HUWE1: variants seen among roughly 807,000 people sequenced by gnomAD.
HUWE1 encodes HECT, UBA and WWE domain containing E3 ubiquitin protein ligase 1.
A neutral mutation model predicts 299.4 loss-of-function variants in HUWE1; 18 were observed. The ratio of observed to expected loss-of-function variants is 0.06; its 90% CI spans 0.04 to 0.09. HUWE1 has a LOEUF of 0.09. Among genes scored for constraint, HUWE1 ranks in the 10% least tolerant of loss-of-function variants. HUWE1 has a pLI of 1.00. For synonymous variants in HUWE1, 1,317 were observed against 1,286.1 expected (o/e 1.02, Z -0.51); for missense variants, 1,832 against 3,462.3 (o/e 0.53, Z 11.82).
In HUWE1 at chrX:53,575,685, A is replaced by G; in HGVS notation, c.5988T>C (p.Arg1996=). 8.3e-7 allele frequency: 1 copy of G among 1,211,235 alleles called. No individual in the cohort carries two copies. Among genetic ancestry groups the G allele is most frequent in the Non-Finnish European group, 1.1e-6 (1 of 894,741 alleles). Residue 1996 remains arginine, a synonymous_variant, in exon 45 of 84, where the codon CGT becomes CGC. Transcript: ENST00000262854. ...ACTGCGTATCAAAGTCACTGCTCTG[A>G]CGCGTAAGTGACCGGTACTGCTGGT... ...DVYQQYRSLT[R]QSSDFDTQSG...
At chrX:53,556,375 A>T (rs1410427285) in intron 60 of HUWE1, 1 of 340,045 alleles carries the variant, frequency 2.9e-6, no homozygotes, top group Non-Finnish European at 5.9e-6. Context: ...GCCATTTTAC[A>T]TGGTGACAGA....
At chrX:53,543,163 T>C (rs181708628) in intron 73 of HUWE1, among the ~76,000 whole-genome samples, 1 of 110,869 alleles carries the variant, frequency 9.0e-6, no homozygotes, top group East Asian at 2.8e-4. Flanking sequence ...ATAGTAATTA[T>C]ACGCAAAGAA....
chrX:53,593,840 T>A (rs1348713371), intron 31 of HUWE1, among the ~76,000 whole-genome samples: 1 of 112,367 alleles, frequency 8.9e-6, no homozygotes, highest in Non-Finnish European at 1.9e-5. Flanking sequence ...GGCTCACGCC[T>A]GTAATCCCAG....
In HUWE1 at chrX:53,628,530, G is replaced by C; in HGVS notation, c.1205C>G (p.Ala402Gly). 1 of 1,164,925 alleles carries C rather than the reference G, an allele frequency of 8.6e-7. No homozygotes were observed. The highest frequency in any genetic ancestry group is 3.3e-5 in the East Asian group (1 of 30,751). ...TTCCATCATTCCACAGGAGACCAAG[G>C]CTTCACCACCAGCATCGTAGCTGGC... ...HLASYDAGGE[A>G]LVSCGMMEAL... Residue 402 changes from alanine (A) to glycine (G), a missense_variant, in exon 15 of 84, where the codon GCC (alanine) becomes GGC (glycine). By Grantham distance (60) the Ala-to-Gly change is moderately conservative. Coordinates refer to ENST00000262854, the MANE Select transcript of HUWE1 (RefSeq NM_031407.7).
intron 23 of HUWE1, among the ~76,000 whole-genome samples, chrX:53,611,008 G>A (rs782048075): frequency 5.6e-4 from 61 of 109,752 alleles, no homozygotes; most frequent in Non-Finnish European, 1.0e-3. Flanking sequence ...CAGAAGAAAG[G>A]GGGCAAAAGA....
chrX:53,566,392 G>A lies in HUWE1; in HGVS notation c.6708-1153C>T, dbSNP rs996278858. ...AGGCTGAGATGGGAGGATTGCTTGA[G>A]CCTAGCCTGAGCAACATAGTGAGAT... is the stretch of plus-strand genomic sequence containing the variant. On this transcript the variant is annotated intron_variant, in intron 49 of 83. Transcript: ENST00000262854. 4.7e-5 allele frequency among the ~76,000 whole-genome samples: 5 copies of A among 107,525 alleles called. No individual in the cohort carries two copies. In the East Asian group the frequency reaches 1.2e-3, roughly 25 times the overall value. The allele number at this position is 107,525 out of a possible 115,157, so 93.4% of individuals were successfully genotyped here.
chrX:53,604,759 A>G lies in HUWE1; in HGVS notation c.2572T>C (p.Leu858=). 1 of 1,211,402 alleles carries G rather than the reference A, an allele frequency of 8.3e-7. No homozygotes were observed. Residue 858 remains leucine (L), a synonymous_variant, in exon 26 of 84, where the codon TTA becomes CTA. Transcript: ENST00000262854. ...CCAGGGGATTCAATGGGGCGGTGTA[A>G]GGGCTCCAGGGAGGAGAGGATGGAG... The part of the protein sequence containing the change: ...LDSILSSLEP[L]HRPIESPGGS...
intron 23 of HUWE1, among the ~76,000 whole-genome samples, chrX:53,612,906 C>T (rs1371150269): frequency 2.7e-5 from 3 of 111,426 alleles, no homozygotes; most frequent in African/African-American, 9.8e-5. Flanking sequence ...AATCTGGGCA[C>T]ATCAGATGTA....
chrX:53,670,799 T>A (rs1017997997), intron 3 of HUWE1, among the ~76,000 whole-genome samples: 2 of 111,543 alleles, frequency 1.8e-5, no homozygotes, highest in Non-Finnish European at 3.8e-5. Context: ...TGGAAAAATA[T>A]GGCAGCAGAT....
intron 39 of HUWE1, among the ~76,000 whole-genome samples, chrX:53,585,955 C>T (rs1162434543): frequency 1.8e-5 from 2 of 112,095 alleles, no homozygotes; most frequent in African/African-American, 6.5e-5. Context: ...TCCCAAAGTG[C>T]TGGGATTACA....
At position 53,645,195 on chromosome X, in the gene HUWE1, G is replaced by T. The variant is rs111837441; in HGVS notation, c.504+116C>A. 8.1e-4 allele frequency: 602 copies of T among 739,553 alleles called. 2 individuals are homozygous for T. In the African/African-American group the frequency reaches 0.011, roughly 14 times the overall value. 60.9% of individuals were successfully genotyped at this position (739,553 alleles called of 1,213,427 possible). On this transcript the variant is annotated intron_variant, in intron 7 of 83. Coordinates refer to ENST00000262854, the MANE Select transcript of HUWE1 (RefSeq NM_031407.7). ...GGCACCAATAGTTCTAACTCAATTA[G>T]GCCAGTGAAGTTAACTTAGGGATTC...
chrX:53,663,523 A>AAT (rs1557046381), intron 3 of HUWE1, among the ~76,000 whole-genome samples: 4 of 110,311 alleles, frequency 3.6e-5, no homozygotes, highest in Non-Finnish European at 7.6e-5. Flanking sequence ...CGGGGGAAAA[A>AAT]ATATATATAT....
chrX:53,616,273 T>C (rs1187463514), intron 21 of HUWE1, among the ~76,000 whole-genome samples: 2 of 110,363 alleles, frequency 1.8e-5, no homozygotes, highest in African/African-American at 6.6e-5. Flanking sequence ...ACTTCTTTAA[T>C]GAATTTACAC....
intron 80 of HUWE1, 144 bp from the exon 81 acceptor site, chrX:53,535,645 C>CATGA: frequency 2.0e-6 from 1 of 510,493 alleles, no homozygotes; most frequent in Non-Finnish European, 3.5e-6. Context: ...TTTTCTACTA[C>CATGA]TCATAGCTCG....
Position 53,549,335 on chromosome X carries a change from T to C in HUWE1, c.9659A>G (p.His3220Arg). The C allele has an allele frequency of 1.7e-6, 2 of 1,211,601 alleles. No individual in the cohort carries two copies. The highest frequency in any genetic ancestry group is 2.2e-6 in the Non-Finnish European group (2 of 895,317). Reference protein sequence around the residue: ...RNLCYHAQTRHWVIRSLLSIL... With the variant: ...RNLCYHAQTRRWVIRSLLSIL... ...GGAGAGCAGACTGCGGATGACCCAG[T>C]GGCGGGTCTGGGCATGGTAGCAGAG... The change falls in exon 67 of 84, where the codon CAC (histidine) becomes CGC (arginine). Residue 3220 changes from histidine to arginine, a missense_variant. Coordinates refer to ENST00000262854, the MANE Select transcript of HUWE1 (RefSeq NM_031407.7).
At chrX:53,535,981 G>A (rs372970538) in intron 80 of HUWE1, 166 bp downstream of exon 80, 2 of 344,756 alleles carry the variant, frequency 5.8e-6, no homozygotes, top group East Asian at 1.0e-4. Flanking sequence ...GCAAATTCTG[G>A]TTTTCCTGTT....
intron 5 of HUWE1, among the ~76,000 whole-genome samples, 155 bp from the exon 6 acceptor site, chrX:53,647,729 T>C (rs2068151588): frequency 9.0e-6 from 1 of 111,414 alleles, no homozygotes; most frequent in Non-Finnish European, 1.9e-5. Flanking sequence ...TACTCTGAGC[T>C]AAAAGTGCTG....
intron 27 of HUWE1, 123 bp downstream of exon 27, chrX:53,603,245 A>T (rs1556992929): frequency 1.6e-6 from 1 of 637,413 alleles, no homozygotes; most frequent in African/African-American, 2.2e-5. Flanking sequence ...CTAGGCTGGG[A>T]AGAGGGAAGG....
intron 51 of HUWE1, among the ~76,000 whole-genome samples, chrX:53,564,130 C>T (rs1481291387): frequency 8.9e-6 from 1 of 111,979 alleles, no homozygotes; most frequent in Non-Finnish European, 1.9e-5. Context: ...AATTTCTTAC[C>T]CAATGCTACC....
Sources: gnomAD v4.1 joint callset for allele counts (sites outside exome capture counted in the v4.1 genomes callset) on GRCh38, gnomAD v4.1.1 for gene constraint, MANE v1.5 for transcripts, NCBI Gene and HGNC (gene_info 2026-07-23, HGNC 2026-07-21) for gene names.